DSCC1: variants seen among roughly 807,000 people sequenced by gnomAD.
DSCC1 encodes sister chromatid cohesion protein DCC1.
DSCC1 carries 32 observed loss-of-function variants against 48.2 expected under a neutral mutation model. The ratio of observed to expected loss-of-function variants is 0.66; its 90% confidence interval spans 0.50 to 0.89. DSCC1 has a LOEUF of 0.89. Ranked by LOEUF, DSCC1 falls within the 40% of genes least tolerant of loss-of-function variation. The pLI, the probability that DSCC1 is intolerant of heterozygous loss-of-function variation, is 0.00. For synonymous variants in DSCC1, 150 were observed against 171.5 expected (o/e 0.87, Z 0.98); for missense variants, 421 against 471.7 (o/e 0.89, Z 1.00).
Position 119,834,994 on chromosome 8 carries a change from A to T in DSCC1, c.1081T>A (p.Cys361Ser), listed in dbSNP as rs976934139. Residue 361 changes from cysteine to serine, a missense_variant, in exon 9 of 9, where the codon TGT becomes AGT. This residue lies in a region of DSCC1 where 238 missense variants were observed against 259.0 expected (regional missense o/e 0.92). Coordinates refer to ENST00000313655, the MANE Select transcript of DSCC1 (RefSeq NM_024094.3). ...EDIAPYIQDL[C>S]GEKQTIGALL... ...GCACCTATGGTTTGCTTCTCTCCAC[A>T]CAAATCTCTGTAGGAACAATAAAAA... 1.9e-6 allele frequency: 3 copies of T among 1,587,982 alleles called. No individual in the cohort carries two copies. Among genetic ancestry groups the T allele is most frequent in the Non-Finnish European group, 1.7e-6 (2 of 1,161,376 alleles).
intron 7 of DSCC1, chr8:119,839,593 A>G (rs1826737726): frequency 1.3e-5 from 2 of 152,164 alleles, no homozygotes; most frequent in African/African-American, 4.8e-5. Flanking sequence ...TTGTCATAGT[A>G]TTCTTTTCAA....
intron 3 of DSCC1, among the ~76,000 whole-genome samples, chr8:119,847,990 T>A (rs77444260): frequency 0.01 from 265 of 25,294 alleles, 1 homozygote; most frequent in African/African-American, 0.092. Context: ...TTTTGTTTTT[T>A]TTAAATACAG....
intron 1 of DSCC1, 145 bp downstream of exon 1, chr8:119,855,469 G>T: frequency 8.8e-7 from 1 of 1,137,968 alleles, no homozygotes; most frequent in Non-Finnish European, 1.2e-6. Context: ...CCGGAGGCGT[G>T]GACTCCTCGG....
At position 119,850,509 on chromosome 8, in the gene DSCC1, C is replaced by T; in HGVS notation, c.359G>A (p.Gly120Asp). Reference protein sequence around the residue: ...HCNIIHTEIFGFSNNYWELRR... With the variant: ...HCNIIHTEIFDFSNNYWELRR... ...TAATTCCCAATAATTATTAGAAAAA[C>T]CAAAGATCTAGAAATTATATATATC... Residue 120 changes from glycine to aspartate, a missense_variant, in exon 3 of 9, where the codon GGT becomes GAT. Around this residue, in one of 3 missense-constraint regions of DSCC1, gnomAD observed 174 missense variants for 184.5 expected, o/e 0.94. Coordinates refer to ENST00000313655, the MANE Select transcript of DSCC1 (RefSeq NM_024094.3). The T allele has an allele frequency of 6.4e-7, 1 of 1,562,624 alleles. No individual in the cohort carries two copies. The highest frequency in any genetic ancestry group is 8.6e-7 in the Non-Finnish European group (1 of 1,164,250).
chr8:119,843,752 A>C lies in DSCC1; in HGVS notation c.578-5T>G, dbSNP rs1291164624. ...ATTCAAGAATCCTCCAATAACCTAC[A>C]AATTTCAAAAGTTATATTTACCAAA... On this transcript the variant is annotated splice_polypyrimidine_tract_variant and splice_region_variant and intron_variant, in intron 4 of 8. Coordinates refer to ENST00000313655, the MANE Select transcript of DSCC1 (RefSeq NM_024094.3). 1 of 1,598,700 alleles carries C rather than the reference A, an allele frequency of 6.3e-7. No individual in the cohort carries two copies. Among genetic ancestry groups the C allele is most frequent in the Non-Finnish European group, 8.5e-7 (1 of 1,176,310 alleles).
chr8:119,836,304 C>T (rs1175980964), intron 8 of DSCC1, among the ~76,000 whole-genome samples: 1 of 152,192 alleles, frequency 6.6e-6, no homozygotes, highest in Non-Finnish European at 1.5e-5. Context: ...CAGAGTGAGA[C>T]TCTGTCTCAA....
Position 119,845,051 on chromosome 8 carries a change from TTTTATTTATTTATTTATTTA to T in DSCC1, c.578-1324_578-1305del, listed in dbSNP as rs67730947. Among the ~76,000 whole-genome samples the T allele has an allele frequency of 1.5e-3, 202 of 138,418 alleles. 1 individual carries two copies. The highest frequency in any genetic ancestry group is 4.0e-3 in the African/African-American group (147 of 36,960). 90.8% of individuals were successfully genotyped at this position (138,418 alleles called of 152,430 possible). ...TCCTGTGAGAGATTATGACATGCCATTTTATTTATTTATTTATTTATTTATTTATTTATTTATTTATTTAT... is the reference window on the plus strand; with the variant it reads ...TCCTGTGAGAGATTATGACATGCCATTTTATTTATTTATTTATTTATTTAT... On this transcript the variant is annotated intron_variant, in intron 4 of 8. Coordinates refer to ENST00000313655, the MANE Select transcript of DSCC1 (RefSeq NM_024094.3).
intron 4 of DSCC1, 93 bp downstream of exon 4, chr8:119,846,897 A>C: frequency 8.6e-7 from 1 of 1,166,380 alleles, no homozygotes; most frequent in Non-Finnish European, 1.3e-6. Flanking sequence ...AATATTAAAT[A>C]AACTATACGC....
chr8:119,843,924 G>A (rs201365704), intron 4 of DSCC1, among the ~76,000 whole-genome samples, 177 bp from the exon 5 acceptor site: 9 of 151,942 alleles, frequency 5.9e-5, no homozygotes, highest in Admixed American at 2.0e-4. Flanking sequence ...CTACGGGCAC[G>A]CACTACCATG....
intron 8 of DSCC1, 59 bp downstream of exon 8, chr8:119,838,200 C>T (rs1176436431): frequency 2.0e-6 from 3 of 1,468,238 alleles, no homozygotes; most frequent in African/African-American, 2.9e-5. Flanking sequence ...ATCTAAAATG[C>T]TGTGCCATTG....
rs770960908 is a variant in DSCC1, at chr8:119,843,645, T to C, written c.680A>G (p.Asn227Ser). 2 of 1,613,992 alleles carry C rather than the reference T, an allele frequency of 1.2e-6. No individual in the cohort carries two copies. Among genetic ancestry groups the C allele is most frequent in the Non-Finnish European group, 1.7e-6 (2 of 1,180,020 alleles). The change falls in exon 5 of 9, where the codon AAC (asparagine) becomes AGC (serine). Residue 227 changes from asparagine to serine, a missense_variant. By Grantham distance (46) the Asn-to-Ser change is conservative. Around this residue, in one of 3 missense-constraint regions of DSCC1, gnomAD observed 238 missense variants for 259.0 expected, o/e 0.92. Transcript: ENST00000313655. ...TGGTCCGAGTTCCTGAAGGCATGTG[T>C]TCAAAGGAACTTTACCAAAAGACCA... is the stretch of plus-strand genomic sequence containing the variant. ...ESWSFGKVPL[N>S]TCLQELGPLE...
chr8:119,835,161 TTTTAA>T (rs1826661000), intron 8 of DSCC1, among the ~76,000 whole-genome samples, 160 bp from the exon 9 acceptor site: 1 of 152,134 alleles, frequency 6.6e-6, no homozygotes, highest in Non-Finnish European at 1.5e-5. Context: ...TGGTTCTAAG[TTTTAA>T]TTAAATTAAG....
intron 4 of DSCC1, among the ~76,000 whole-genome samples, chr8:119,844,066 C>A (rs117229840): frequency 0.016 from 2,450 of 152,128 alleles, 24 homozygotes; most frequent in Non-Finnish European, 0.025. Flanking sequence ...CATGAGCCAC[C>A]GTGCCGGCCC....
chr8:119,853,809 T>C (rs564101561), intron 1 of DSCC1, among the ~76,000 whole-genome samples: 2 of 152,274 alleles, frequency 1.3e-5, no homozygotes, highest in South Asian at 2.1e-4. Context: ...ATAAGTTGTG[T>C]TGCAAAAAAA....
chr8:119,845,091 ATTT>A (rs1391089373), intron 4 of DSCC1, among the ~76,000 whole-genome samples: 2 of 140,672 alleles, frequency 1.4e-5, no homozygotes, highest in African/African-American at 5.4e-5. Context: ...TTATTTATTT[ATTT>A]ATTTATTTGT....
chr8:119,842,903 C>CA, intron 5 of DSCC1, 75 bp from the exon 6 acceptor site: 1 of 1,215,306 alleles, frequency 8.2e-7, no homozygotes, highest in Non-Finnish European at 1.2e-6. Context: ...ATTGCCAACT[C>CA]AAAATTAAGA....
In DSCC1 at chr8:119,845,556, A is replaced by G. The variant is rs187151533; in HGVS notation, c.577+1434T>C. Reference sequence around the variant, plus strand: ...TGAGGAAGAAAGCAAGAAGTAATCTACGCATCCCCCTAGAGAAATTGTATC... The same window carrying G: ...TGAGGAAGAAAGCAAGAAGTAATCTGCGCATCCCCCTAGAGAAATTGTATC... On this transcript the variant is annotated intron_variant, in intron 4 of 8. Transcript: ENST00000313655. 3.3e-5 allele frequency among the ~76,000 whole-genome samples: 5 copies of G among 152,266 alleles called. No individual in the cohort carries two copies. In the East Asian group the frequency reaches 5.8e-4, roughly 18 times the overall value.
chr8:119,834,787 A>G lies in DSCC1; in HGVS notation c.*106T>C, dbSNP rs1162994499. 6.3e-5 allele frequency: 47 copies of G among 745,976 alleles called. 1 individual carries two copies. Among genetic ancestry groups the G allele is most frequent in the South Asian group, 2.4e-4 (15 of 62,534 alleles). 46.2% of individuals were successfully genotyped at this position (745,976 alleles called of 1,614,324 possible). ...CTTAAGATGAGGAGAAAAATGCCTTAGAAGACTAGGTTTCTAAAAGTCAGA... is the reference window on the plus strand; with the variant it reads ...CTTAAGATGAGGAGAAAAATGCCTTGGAAGACTAGGTTTCTAAAAGTCAGA... On this transcript the variant is annotated 3_prime_UTR_variant, in exon 9 of 9. Coordinates refer to ENST00000313655, the MANE Select transcript of DSCC1 (RefSeq NM_024094.3).
rs745343648 is a variant in DSCC1 at position 119,841,867 on chromosome 8, T to C, written c.851A>G (p.Asn284Ser). The C allele has an allele frequency of 2.5e-5, 41 of 1,614,178 alleles. No individual in the cohort carries two copies. Among genetic ancestry groups the C allele is most frequent in the East Asian group, 6.7e-5 (3 of 44,882 alleles). ...RMLLQNAVKF[N>S]LAEFQEVWQQ... The stretch of plus-strand genomic sequence containing the variant: ...CCACACTTCTTGAAACTCAGCGAGA[T>C]TGAATTTCACCGCATTCTGAAGTAG... Residue 284 changes from asparagine (N) to serine (S), a missense_variant, in exon 7 of 9, where the codon AAT becomes AGT. Transcript: ENST00000313655.
Sources: allele counts gnomAD v4.1 joint callset (sites outside exome capture counted in the v4.1 genomes callset), GRCh38; gene constraint gnomAD v4.1.1; regional missense constraint gnomAD v4.1.1; transcripts MANE v1.5; gene names NCBI Gene and HGNC (gene_info 2026-07-23, HGNC 2026-07-21).